Variants in STXBP5L observed in about 807,000 individuals in gnomAD.
The protein encoded by STXBP5L is syntaxin binding protein 5L, also known as syntaxin-binding protein 5-like.
In STXBP5L, 65 loss-of-function variants were observed where a neutral mutation model predicts 144.5. That is an observed-to-expected ratio of 0.45 (90% confidence interval 0.37 to 0.55). STXBP5L has a LOEUF of 0.55. STXBP5L is among the 20% of genes least tolerant of loss of function. STXBP5L has a pLI of 0.00. For synonymous variants in STXBP5L, 505 were observed against 469.6 expected (o/e 1.08, Z -0.97); for missense variants, 1,298 against 1,405.5 (o/e 0.92, Z 1.22).
chr3:121,366,320 T>C (rs1183272058), intron 20 of STXBP5L, among the ~76,000 whole-genome samples: 1 of 152,024 alleles, frequency 6.6e-6, no homozygotes, highest in East Asian at 1.9e-4. Context: ...TTCTGTCTGG[T>C]TGGTCTATCT....
chr3:121,132,166 T>G (rs2107899981), intron 7 of STXBP5L, among the ~76,000 whole-genome samples: 1 of 152,322 alleles, frequency 6.6e-6, no homozygotes, highest in East Asian at 1.9e-4. Flanking sequence ...CAAATTGCGC[T>G]GATAAACACT....
At chr3:120,959,214 A>G (rs1412750360) in intron 3 of STXBP5L, among the ~76,000 whole-genome samples, 1 of 152,218 alleles carries the variant, frequency 6.6e-6, no homozygotes, top group Admixed American at 6.5e-5. Flanking sequence ...GGACCTCTTC[A>G]AGGAGAACTA....
At chr3:121,345,861 C>T (rs931956153) in intron 20 of STXBP5L, among the ~76,000 whole-genome samples, 6 of 151,872 alleles carry the variant, frequency 4.0e-5, no homozygotes, top group African/African-American at 1.5e-4. Context: ...GGAAATGTCA[C>T]CTGCCTCCTT....
chr3:121,095,286 G>T (rs1560126075), intron 5 of STXBP5L, among the ~76,000 whole-genome samples: 1 of 152,144 alleles, frequency 6.6e-6, no homozygotes, highest in Non-Finnish European at 1.5e-5. Context: ...TTCTCGAGGA[G>T]TATCTTTGTG....
intron 20 of STXBP5L, among the ~76,000 whole-genome samples, chr3:121,353,123 G>T (rs569678658): frequency 3.3e-5 from 5 of 152,222 alleles, no homozygotes; most frequent in African/African-American, 9.6e-5. Flanking sequence ...TGTTCGTCAG[G>T]GATATTGGTC....
chr3:121,025,186 T>A (rs1945842020), intron 3 of STXBP5L, among the ~76,000 whole-genome samples: 2 of 151,396 alleles, frequency 1.3e-5, no homozygotes, highest in African/African-American at 4.9e-5. Flanking sequence ...TTAAAGGGAG[T>A]TTTGGTGGTT....
chr3:121,412,317 A>C (rs1371571510), intron 23 of STXBP5L, among the ~76,000 whole-genome samples: 1 of 152,182 alleles, frequency 6.6e-6, no homozygotes, highest in African/African-American at 2.4e-5. Flanking sequence ...TGAGAAAGAA[A>C]GTGTTCCCCC....
chr3:121,180,034 C>T (rs1411653759), intron 9 of STXBP5L, among the ~76,000 whole-genome samples: 1 of 152,118 alleles, frequency 6.6e-6, no homozygotes, highest in Admixed American at 6.5e-5. Context: ...TTGAGGAAAA[C>T]TTTCCCGGCC....
intron 22 of STXBP5L, among the ~76,000 whole-genome samples, chr3:121,399,456 A>T (rs1422392889): frequency 6.6e-6 from 1 of 152,188 alleles, no homozygotes; most frequent in Non-Finnish European, 1.5e-5. Context: ...GGTGTGAAGA[A>T]GGAAATCAGG....
chr3:121,016,996 A>G (rs1051320891), intron 3 of STXBP5L, among the ~76,000 whole-genome samples: 1 of 152,256 alleles, frequency 6.6e-6, no homozygotes, highest in African/African-American at 2.4e-5. Context: ...AAGGAAAACT[A>G]CAGACCAATA....
intron 20 of STXBP5L, among the ~76,000 whole-genome samples, chr3:121,359,008 G>T (rs990503806): frequency 2.6e-5 from 4 of 151,928 alleles, no homozygotes; most frequent in Non-Finnish European, 5.9e-5. Context: ...ATAGTAAGTA[G>T]CTCAGTTTTT....
At chr3:121,210,323 G>T (rs1481088607) in intron 10 of STXBP5L, among the ~76,000 whole-genome samples, 1 of 152,070 alleles carries the variant, frequency 6.6e-6, no homozygotes, top group African/African-American at 2.4e-5. Flanking sequence ...GTAGATTCTG[G>T]ATATTAGCCC....
At chr3:121,338,146 C>G (rs532043755) in intron 20 of STXBP5L, among the ~76,000 whole-genome samples, 1 of 151,920 alleles carries the variant, frequency 6.6e-6, no homozygotes, top group South Asian at 2.1e-4. Context: ...CCTCAAGGAA[C>G]CAGAGAAGCA....
intron 18 of STXBP5L, among the ~76,000 whole-genome samples, chr3:121,272,556 T>G (rs1040780290): frequency 1.3e-5 from 2 of 152,200 alleles, no homozygotes; most frequent in Non-Finnish European, 2.9e-5. Context: ...TGGATCTTAA[T>G]TTTTGATCCA....
chr3:120,930,164 CTT>C (rs140390258), intron 2 of STXBP5L, among the ~76,000 whole-genome samples: 18,166 of 135,894 alleles, frequency 0.13, 1,841 homozygotes, highest in African/African-American at 0.28. Context: ...TTTCTATTTT[CTT>C]TTTTTTTTTT....
At chr3:121,152,711 A>G (rs2045973030) in intron 8 of STXBP5L, 151 bp downstream of exon 8, 1 of 531,166 alleles carries the variant, frequency 1.9e-6, no homozygotes, top group Non-Finnish European at 3.2e-6. Context: ...TATTTGTGTA[A>G]GTTCCATCTC....
intron 8 of STXBP5L, among the ~76,000 whole-genome samples, chr3:121,154,408 C>G (rs2046044529): frequency 6.6e-6 from 1 of 151,730 alleles, no homozygotes; most frequent in African/African-American, 2.4e-5. Flanking sequence ...ACACAGTGAC[C>G]TCTTCCAAGC....
chr3:121,215,148 CTT>C (rs1373634552), intron 10 of STXBP5L, among the ~76,000 whole-genome samples: 5 of 152,060 alleles, frequency 3.3e-5, no homozygotes, highest in African/African-American at 4.8e-5. Context: ...GGTCTTGACT[CTT>C]TATCCAATTT....
Position 121,255,004 on chromosome 3 carries a change from T to A in STXBP5L, c.1551T>A (p.Ile517=). 6.2e-7 allele frequency: 1 copy of A among 1,613,658 alleles called. No homozygotes were observed. The highest frequency in any genetic ancestry group is 8.5e-7 in the Non-Finnish European group (1 of 1,179,740). ...TTGTAGAGGAAGACCCATTTGCCATTCAGATGATTTACTGGTGTCCAGAGA... is the reference window on the plus strand; with the variant it reads ...TTGTAGAGGAAGACCCATTTGCCATACAGATGATTTACTGGTGTCCAGAGA... ...CEIVEEDPFA[I]QMIYWCPESR... is the part of the protein sequence containing the mutation. Residue 517 remains isoleucine (I), a synonymous_variant, in exon 16 of 27, where the codon ATT becomes ATA. Transcript: ENST00000471454.
Sources: gnomAD v4.1 joint callset for allele counts (sites outside exome capture counted in the v4.1 genomes callset) on GRCh38, gnomAD v4.1.1 for gene constraint, MANE v1.5 for transcripts, NCBI Gene and HGNC (gene_info 2026-07-23, HGNC 2026-07-21) for gene names.